The following ZNF486 variants were observed in gnomAD, a reference collection of about 807,000 sequenced individuals.
ZNF486 encodes KRAB box only protein 2.
In ZNF486, 12 loss-of-function variants were observed where a neutral mutation model predicts 12.8. The observed-to-expected ratio is 0.94, with a 90% CI of 0.60 to 1.52. The LOEUF is 1.52. Among genes scored for constraint, ZNF486 ranks in the 40% most tolerant of loss-of-function variants. ZNF486 has a pLI of 0.00. For missense variants in ZNF486, 738 were observed against 545.0 expected (o/e 1.35, Z -3.53); for synonymous variants, 231 against 184.9 (o/e 1.25, Z -2.02).
chr19:20,190,357 C>T (rs1018565214), intron 3 of ZNF486, among the ~76,000 whole-genome samples: 1 of 152,278 alleles, frequency 6.6e-6, no homozygotes, highest in Middle Eastern at 3.4e-3. Flanking sequence ...TGTTAGAAAA[C>T]ACACAATGTA....
At chr19:20,176,949 G>C (rs1555714923) in intron 1 of ZNF486, 1 of 152,208 alleles carries the variant, frequency 6.6e-6, no homozygotes, top group Non-Finnish European at 1.5e-5. Flanking sequence ...AAATTCAGCA[G>C]TATTTTTTCC....
chr19:20,186,211 T>TTTAG (rs1210452616), intron 3 of ZNF486, 129 bp downstream of exon 3: 11 of 411,572 alleles, frequency 2.7e-5, no homozygotes, highest in Non-Finnish European at 4.4e-5. Flanking sequence ...GGGCAGCTGT[T>TTTAG]TTATTTATTT....
chr19:20,175,050 A>G (rs1364689671), intron 1 of ZNF486: 1 of 152,230 alleles, frequency 6.6e-6, no homozygotes, highest in African/African-American at 2.4e-5. Flanking sequence ...ATGTATTTCA[A>G]TATAGAACCT....
intron 3 of ZNF486, among the ~76,000 whole-genome samples, chr19:20,191,955 C>G (rs1186289453): frequency 6.6e-6 from 1 of 151,952 alleles, no homozygotes; most frequent in African/African-American, 2.4e-5. Flanking sequence ...CCTTGCTTCA[C>G]TTTTGTCAAT....
chr19:20,169,466 T>A (rs2089622952), intron 1 of ZNF486, among the ~76,000 whole-genome samples: 1 of 152,114 alleles, frequency 6.6e-6, no homozygotes. Flanking sequence ...CCTGCAGATG[T>A]CCCAGCCTGC....
intron 3 of ZNF486, among the ~76,000 whole-genome samples, chr19:20,191,476 A>T (rs1421735369): frequency 2.4e-4 from 33 of 135,670 alleles, no homozygotes; most frequent in African/African-American, 8.6e-4. Flanking sequence ...AAAAAAAAAA[A>T]ATTATGCACT....
chr19:20,197,150 C>T lies in ZNF486; in HGVS notation c.440C>T (p.Thr147Ile). 1.2e-6 allele frequency: 2 copies of T among 1,613,756 alleles called. No individual in the cohort carries two copies. The highest frequency in any genetic ancestry group is 2.2e-5 in the South Asian group (2 of 90,974). ...RGYNGLNQCL[T>I]TTQSKIFQCG... ...TATAATGGACTTAACCAATGTTTGA[C>T]AACTACCCAGAGCAAAATATTTCAA... Residue 147 changes from threonine to isoleucine, a missense_variant, in exon 4 of 4, where the codon ACA becomes ATA. Transcript: ENST00000335117.
chr19:20,188,794 G>T (rs782524993), intron 3 of ZNF486: 2 of 223,852 alleles, frequency 8.9e-6, no homozygotes, highest in African/African-American at 2.3e-5. Flanking sequence ...TCTCACCCTC[G>T]ACAGACAAAC....
chr19:20,190,029 GTTTTCAACATCA>G (rs1222942743), intron 3 of ZNF486, among the ~76,000 whole-genome samples: 143 of 152,216 alleles, frequency 9.4e-4, no homozygotes, highest in African/African-American at 3.3e-3. Context: ...TTGATATTCA[GTTTTCAACATCA>G]TTTTTTGAAG....
At chr19:20,191,447 A>C (rs1385405752) in intron 3 of ZNF486, among the ~76,000 whole-genome samples, 1 of 135,620 alleles carries the variant, frequency 7.4e-6, no homozygotes, top group Non-Finnish European at 1.5e-5. Context: ...AGCCTGGGCG[A>C]CAGCGAGATT....
chr19:20,190,640 C>T (rs1185033747), intron 3 of ZNF486, among the ~76,000 whole-genome samples: 2 of 152,196 alleles, frequency 1.3e-5, no homozygotes, highest in Non-Finnish European at 2.9e-5. Flanking sequence ...TTACCTAGGT[C>T]TCCCAAAGTG....
chr19:20,177,257 T>C (rs2089730019), intron 1 of ZNF486, among the ~76,000 whole-genome samples: 1 of 151,370 alleles, frequency 6.6e-6, no homozygotes, highest in Non-Finnish European at 1.5e-5. Flanking sequence ...TCCTCTAAAC[T>C]GTAACTAGCC....
At chr19:20,179,445 C>G (rs2089760391) in intron 1 of ZNF486, among the ~76,000 whole-genome samples, 1 of 152,106 alleles carries the variant, frequency 6.6e-6, no homozygotes, top group Non-Finnish European at 1.5e-5. Flanking sequence ...AAGCTTGACC[C>G]AAATAAACTG....
chr19:20,191,398 C>T (rs1344018399), intron 3 of ZNF486, among the ~76,000 whole-genome samples: 1 of 148,876 alleles, frequency 6.7e-6, no homozygotes, highest in African/African-American at 2.5e-5. Flanking sequence ...ATCTGGGAGG[C>T]GGAGCTTGCA....
At chr19:20,174,919 T>C (rs1490707741) in intron 1 of ZNF486, 2 of 152,214 alleles carry the variant, frequency 1.3e-5, no homozygotes, top group African/African-American at 4.8e-5. Context: ...ACATGTGATG[T>C]GGCCACCCAA....
intron 3 of ZNF486, among the ~76,000 whole-genome samples, chr19:20,195,417 C>A (rs1245410797): frequency 1.3e-5 from 2 of 152,154 alleles, no homozygotes; most frequent in Non-Finnish European, 2.9e-5. Context: ...ATTTTCCCAC[C>A]TTGATCTTCC....
chr19:20,176,591 G>A (rs2089719348), intron 1 of ZNF486: 1 of 170,102 alleles, frequency 5.9e-6, no homozygotes, highest in Non-Finnish European at 1.3e-5. Flanking sequence ...AGGAGGCCGA[G>A]GCTGGCGGAT....
rs1275911518 is a variant in ZNF486, at chr19:20,198,295, G to A, written c.*193G>A. 2.3e-5 allele frequency: 13 copies of A among 554,316 alleles called. No homozygotes were observed. Among genetic ancestry groups the A allele is most frequent in the Non-Finnish European group, 3.5e-5 (11 of 315,478 alleles). The allele number at this position is 554,316 out of a possible 1,614,324, so 34.3% of individuals were successfully genotyped here. ...ATTTTGTATTTTTAGTAGAGATGGG[G>A]TTTCTCCATGTTGGTCAGGCTGGTC... On this transcript the variant is annotated 3_prime_UTR_variant, in exon 4 of 4. Transcript: ENST00000335117.
In ZNF486 at chr19:20,198,188, C is replaced by G; in HGVS notation, c.*86C>G. 8.1e-7 allele frequency: 1 copy of G among 1,227,134 alleles called. No homozygotes were observed. The highest frequency in any genetic ancestry group is 1.1e-6 in the Non-Finnish European group (1 of 890,554). 76.0% of individuals were successfully genotyped at this position (1,227,134 alleles called of 1,614,324 possible). A position where few individuals can be genotyped will look rare whatever the true frequency, so the allele number is the denominator to read the frequency against. On this transcript the variant is annotated 3_prime_UTR_variant, in exon 4 of 4. Transcript: ENST00000335117. Reference sequence around the variant, plus strand: ...CTGGAGTGCAATGGCATAATTTTGGCTCACCACAACCTCCACCTTCTGGGT... The same window carrying G: ...CTGGAGTGCAATGGCATAATTTTGGGTCACCACAACCTCCACCTTCTGGGT...
Sources: gnomAD v4.1 joint callset for allele counts (sites outside exome capture counted in the v4.1 genomes callset) on GRCh38, gnomAD v4.1.1 for gene constraint, MANE v1.5 for transcripts, NCBI Gene and HGNC (gene_info 2026-07-23, HGNC 2026-07-21) for gene names.